WDFY4: variants seen among roughly 807,000 people sequenced by gnomAD.
WDFY4 encodes the protein WDFY family member 4, also known as WD repeat- and FYVE domain-containing protein 4.
In WDFY4, 169 loss-of-function variants were observed where a neutral mutation model predicts 351.9. That is an observed-to-expected ratio of 0.48 (90% CI 0.42 to 0.55). WDFY4 has a LOEUF of 0.55. Ranked by LOEUF, WDFY4 falls within the 20% of genes least tolerant of loss-of-function variation. The pLI is 0.00. For synonymous variants in WDFY4, 1,622 were observed against 1,574.6 expected, an observed-to-expected ratio of 1.03 and a Z score of -0.71; for missense variants, 3,803 against 3,935.6, an observed-to-expected ratio of 0.97 and a Z score of 0.90.
chr10:48,927,770 G>A (rs760968168), intron 47 of WDFY4, among the ~76,000 whole-genome samples: 1 of 152,112 alleles, frequency 6.6e-6, no homozygotes, highest in African/African-American at 2.4e-5. Flanking sequence ...GAGGTCACAC[G>A]GCCCAATAAC....
At chr10:48,812,825 C>T (rs1257387125) in intron 30 of WDFY4, among the ~76,000 whole-genome samples, 1 of 152,190 alleles carries the variant, frequency 6.6e-6, no homozygotes, top group Non-Finnish European at 1.5e-5. Context: ...CACCCGCCCT[C>T]AGCTGTGAGT....
intron 19 of WDFY4, 22 bp from the exon 20 acceptor site, chr10:48,786,617 C>G (rs997044368): frequency 1.9e-5 from 29 of 1,537,286 alleles, no homozygotes; most frequent in Middle Eastern, 3.4e-4. Flanking sequence ...ACTACTCACT[C>G]TTGTCCTTTT....
intron 35 of WDFY4, among the ~76,000 whole-genome samples, chr10:48,826,376 T>C (rs1447879863): frequency 3.3e-5 from 5 of 152,226 alleles, no homozygotes; most frequent in Non-Finnish European, 4.4e-5. Context: ...TGTAGTCTCA[T>C]AGTATAGTTT....
At chr10:48,774,821 G>C in intron 14 of WDFY4, 149 bp downstream of exon 14, 2 of 1,075,134 alleles carry the variant, frequency 1.9e-6, no homozygotes, top group Admixed American at 4.0e-5. Flanking sequence ...CCATGGCTGA[G>C]CCTTGGGTCT....
At chr10:48,939,280 C>T (rs1038228611) in intron 47 of WDFY4, among the ~76,000 whole-genome samples, 5 of 152,242 alleles carry the variant, frequency 3.3e-5, no homozygotes, top group African/African-American at 1.2e-4. Flanking sequence ...GCCAGGACCA[C>T]GCCTGTTGAG....
At position 48,974,903 on chromosome 10, in the gene WDFY4, G is replaced by A. The variant is rs199942999; in HGVS notation, c.8970G>A (p.Ala2990=). 1.3e-4 allele frequency: 199 copies of A among 1,550,946 alleles called. 1 individual carries two copies. Among genetic ancestry groups the A allele is most frequent in the Middle Eastern group, 5.0e-4 (3 of 5,990 alleles). Residue 2990 remains alanine, a synonymous_variant, in exon 58 of 62, where the codon GCG becomes GCA. Transcript: ENST00000325239. ...GHTQAVTCLA[A]SVTFSLLVSG... Reference sequence around the variant, plus strand: ...CACAGGCTGTCACGTGCCTGGCAGCGTCAGTCACCTTCAGCCTCCTGGTGA... The same window carrying A: ...CACAGGCTGTCACGTGCCTGGCAGCATCAGTCACCTTCAGCCTCCTGGTGA...
chr10:48,707,861 G>A (rs1282773518), intron 1 of WDFY4, among the ~76,000 whole-genome samples: 1 of 152,080 alleles, frequency 6.6e-6, no homozygotes, highest in Non-Finnish European at 1.5e-5. Context: ...AGCCAGACAG[G>A]AGCCCACCCA....
At chr10:48,898,956 T>C (rs1837225310) in intron 45 of WDFY4, among the ~76,000 whole-genome samples, 1 of 151,958 alleles carries the variant, frequency 6.6e-6, no homozygotes, top group African/African-American at 2.4e-5. Flanking sequence ...TCCACTATTA[T>C]ACATACAGCA....
intron 19 of WDFY4, among the ~76,000 whole-genome samples, chr10:48,781,387 C>G (rs1280801374): frequency 2.0e-5 from 3 of 152,072 alleles, no homozygotes; most frequent in African/African-American, 4.8e-5. Flanking sequence ...ACCACTGCCT[C>G]CAGGATTCAA....
Position 48,944,465 on chromosome 10 carries a change from C to T in WDFY4, c.7749+1016C>T, listed in dbSNP as rs1415761740. Among the ~76,000 whole-genome samples, 9 of 152,330 alleles carry T rather than the reference C, an allele frequency of 5.9e-5. No individual in the cohort carries two copies. The East Asian group carries it at 7.7e-4, about 13-fold the overall frequency. Reference sequence around the variant, plus strand: ...ACTATGGAGCAGTGTCCTGGCCACCCGGGCTCTGGCCATCTGGAGAGGTGC... The same window carrying T: ...ACTATGGAGCAGTGTCCTGGCCACCTGGGCTCTGGCCATCTGGAGAGGTGC... On this transcript the variant is annotated intron_variant, in intron 49 of 61. Transcript: ENST00000325239.
chr10:48,951,368 C>A (rs1352152081), intron 51 of WDFY4, among the ~76,000 whole-genome samples: 1 of 152,162 alleles, frequency 6.6e-6, no homozygotes, highest in Admixed American at 6.5e-5. Flanking sequence ...TCTGCCAGGG[C>A]AGAGGGCTTA....
At chr10:48,849,304 A>G (rs1410075464) in intron 39 of WDFY4, among the ~76,000 whole-genome samples, 2 of 152,222 alleles carry the variant, frequency 1.3e-5, no homozygotes, top group Non-Finnish European at 2.9e-5. Context: ...CCCTCAAACT[A>G]TCCATAGAAT....
chr10:48,804,062 T>C (rs1482823603), intron 25 of WDFY4, among the ~76,000 whole-genome samples: 1 of 152,234 alleles, frequency 6.6e-6, no homozygotes, highest in Non-Finnish European at 1.5e-5. Flanking sequence ...TTGAGCCAAC[T>C]GTGTCCCATG....
intron 13 of WDFY4, among the ~76,000 whole-genome samples, chr10:48,768,494 C>T (rs2065748206): frequency 6.6e-6 from 1 of 152,228 alleles, no homozygotes; most frequent in South Asian, 2.1e-4. Flanking sequence ...ATTTTCCTCA[C>T]CTGCCTAGCT....
Position 48,751,511 on chromosome 10 carries a change from G to A in WDFY4, c.2459+7963G>A, listed in dbSNP as rs539765161. ...GGAGAACATTTTGAGAACTATTTAGGACGTAACTTTGCCTGGCCTTGGTAA... is the reference window on the plus strand; with the variant it reads ...GGAGAACATTTTGAGAACTATTTAGAACGTAACTTTGCCTGGCCTTGGTAA... On this transcript the variant is annotated intron_variant, in intron 12 of 61. Transcript: ENST00000325239. Among the ~76,000 whole-genome samples the A allele has an allele frequency of 1.6e-4, 24 of 152,274 alleles. No individual in the cohort carries two copies. The South Asian group carries it at 4.8e-3, about 30-fold the overall frequency.
chr10:48,708,577 CAA>C (rs1369953449), intron 1 of WDFY4, among the ~76,000 whole-genome samples: 1 of 152,164 alleles, frequency 6.6e-6, no homozygotes, highest in African/African-American at 2.4e-5. Context: ...GACAAACAAA[CAA>C]TAAACTATCC....
chr10:48,717,858 G>T (rs1432310598), intron 2 of WDFY4, among the ~76,000 whole-genome samples: 1 of 152,174 alleles, frequency 6.6e-6, no homozygotes, highest in Non-Finnish European at 1.5e-5. Context: ...AATAGTGCCA[G>T]ACAAATATTT....
At chr10:48,768,558 T>A (rs2065750359) in intron 13 of WDFY4, among the ~76,000 whole-genome samples, 1 of 152,214 alleles carries the variant, frequency 6.6e-6, no homozygotes, top group Non-Finnish European at 1.5e-5. Context: ...TCTGACTATC[T>A]GTCAGCCCTC....
chr10:48,978,497 C>G, intron 60 of WDFY4, 104 bp downstream of exon 60: 2 of 1,154,876 alleles, frequency 1.7e-6, no homozygotes, highest in Non-Finnish European at 2.4e-6. Flanking sequence ...CCAGGTCTGC[C>G]CAGCCTAGGG....
Sources: gnomAD v4.1 joint callset for allele counts (sites outside exome capture counted in the v4.1 genomes callset) on GRCh38, gnomAD v4.1.1 for gene constraint, MANE v1.5 for transcripts, NCBI Gene and HGNC (gene_info 2026-07-23, HGNC 2026-07-21) for gene names.